Variants in CTNNA3 observed in about 807,000 individuals in gnomAD.
The protein encoded by CTNNA3 is catenin alpha-3.
In CTNNA3, 76 loss-of-function variants were observed where a neutral mutation model predicts 95.7. The observed-to-expected ratio is 0.79, with a 90% CI of 0.66 to 0.96. CTNNA3 has a LOEUF of 0.96. Ranked by LOEUF, CTNNA3 falls within the 40% of genes least tolerant of loss-of-function variation. The probability of loss-of-function intolerance (pLI) is 0.00; values close to 1 mark genes in which losing one functional copy is unlikely to be tolerated. For synonymous variants in CTNNA3, 431 were observed against 374.4 expected (o/e 1.15, Z -1.74); for missense variants, 1,191 against 1,089.8 (o/e 1.09, Z -1.31).
At chr10:66,854,235 A>G (rs1368961585) in intron 7 of CTNNA3, among the ~76,000 whole-genome samples, 2 of 152,096 alleles carry the variant, frequency 1.3e-5, no homozygotes, top group Non-Finnish European at 2.9e-5. Flanking sequence ...TTTGAAGAAT[A>G]TCTCACATTA....
intron 4 of CTNNA3, among the ~76,000 whole-genome samples, chr10:67,535,374 G>T (rs773481593): frequency 6.6e-6 from 1 of 151,934 alleles, no homozygotes; most frequent in South Asian, 2.1e-4. Context: ...AGACAAAATC[G>T]AGAGTCAAAG....
chr10:67,630,902 A>T (rs1328511896), intron 2 of CTNNA3, among the ~76,000 whole-genome samples: 2 of 152,206 alleles, frequency 1.3e-5, no homozygotes, highest in East Asian at 1.9e-4. Flanking sequence ...CTCACATTCA[A>T]CATAAATCTG....
chr10:66,473,098 A>T (rs1839193176), intron 11 of CTNNA3, among the ~76,000 whole-genome samples: 1 of 152,050 alleles, frequency 6.6e-6, no homozygotes, highest in African/African-American at 2.4e-5. Flanking sequence ...ATATAGTGTA[A>T]TAATAAAATG....
At chr10:66,469,920 T>A (rs373383910) in intron 11 of CTNNA3, among the ~76,000 whole-genome samples, 17 of 151,944 alleles carry the variant, frequency 1.1e-4, no homozygotes, top group African/African-American at 4.1e-4. Flanking sequence ...TTTTCTTCTA[T>A]GAAGTTTGAC....
intron 1 of CTNNA3, among the ~76,000 whole-genome samples, chr10:67,664,733 T>G (rs1840287729): frequency 6.6e-6 from 1 of 152,200 alleles, no homozygotes; most frequent in Non-Finnish European, 1.5e-5. Flanking sequence ...AAAGAGTCAT[T>G]CTAGGTATCT....
chr10:66,967,457 T>C (rs1397876669), intron 7 of CTNNA3, among the ~76,000 whole-genome samples: 1 of 151,854 alleles, frequency 6.6e-6, no homozygotes, highest in Non-Finnish European at 1.5e-5. Context: ...TACAATTAAT[T>C]AATCAATAAT....
At chr10:67,165,176 A>C (rs1466810811) in intron 7 of CTNNA3, among the ~76,000 whole-genome samples, 2 of 152,232 alleles carry the variant, frequency 1.3e-5, no homozygotes, top group Non-Finnish European at 2.9e-5. Flanking sequence ...TAGCAATAAA[A>C]AAGAATAAAC....
intron 5 of CTNNA3, among the ~76,000 whole-genome samples, chr10:67,464,879 A>AAAAAG: frequency 6.6e-6 from 1 of 151,380 alleles, no homozygotes; most frequent in East Asian, 2.0e-4. Context: ...AAAAAAAAGA[A>AAAAAG]AAAGAAAGTA....
intron 7 of CTNNA3, among the ~76,000 whole-genome samples, chr10:66,786,160 C>G (rs993643692): frequency 1.3e-5 from 2 of 152,082 alleles, no homozygotes; most frequent in African/African-American, 2.4e-5. Context: ...AGTTGCAGGC[C>G]TAGGGTCTTG....
At chr10:67,397,726 G>A (rs1844761035) in intron 5 of CTNNA3, among the ~76,000 whole-genome samples, 2 of 152,210 alleles carry the variant, frequency 1.3e-5, no homozygotes, top group Admixed American at 1.3e-4. Context: ...AGAAAATAAT[G>A]ATTTCATGGG....
At chr10:67,728,178 G>A (rs1841254832) in intron 1 of CTNNA3, among the ~76,000 whole-genome samples, 3 of 147,396 alleles carry the variant, frequency 2.0e-5, no homozygotes, top group Non-Finnish European at 4.5e-5. Context: ...TATAAGCTGG[G>A]CCCAGTGGCT....
At chr10:67,722,163 T>C (rs1052749315) in intron 1 of CTNNA3, among the ~76,000 whole-genome samples, 5 of 152,204 alleles carry the variant, frequency 3.3e-5, no homozygotes, top group South Asian at 2.1e-4. Flanking sequence ...CAGATACTAG[T>C]GCAAACACTA....
chr10:67,640,877 TG>T (rs1368750626), intron 2 of CTNNA3, among the ~76,000 whole-genome samples: 3 of 152,168 alleles, frequency 2.0e-5, no homozygotes, highest in African/African-American at 7.2e-5. Context: ...AAGACTTAAA[TG>T]TTAGACCCAA....
chr10:67,580,249 G>C (rs950610267), intron 3 of CTNNA3, among the ~76,000 whole-genome samples: 1 of 152,160 alleles, frequency 6.6e-6, no homozygotes, highest in African/African-American at 2.4e-5. Context: ...GTAAGGAAGG[G>C]ATTCAGTTTT....
At chr10:66,233,765 T>G (rs2089713784) in intron 13 of CTNNA3, among the ~76,000 whole-genome samples, 1 of 152,198 alleles carries the variant, frequency 6.6e-6, no homozygotes, top group Non-Finnish European at 1.5e-5. Flanking sequence ...CTTCTAAAGC[T>G]AAATATGTTA....
chr10:67,023,299 A>G (rs1328368405), intron 7 of CTNNA3, among the ~76,000 whole-genome samples: 1 of 152,134 alleles, frequency 6.6e-6, no homozygotes, highest in African/African-American at 2.4e-5. Context: ...AACTGCTGAA[A>G]AGGTTCTATG....
intron 12 of CTNNA3, among the ~76,000 whole-genome samples, chr10:66,341,204 C>T (rs1156751087): frequency 6.6e-6 from 1 of 151,886 alleles, no homozygotes; most frequent in African/African-American, 2.4e-5. Flanking sequence ...AAACCATAAA[C>T]ATGTTAGCAA....
At chr10:66,126,938 G>A (rs563121402) in intron 13 of CTNNA3, among the ~76,000 whole-genome samples, 1 of 152,086 alleles carries the variant, frequency 6.6e-6, no homozygotes, top group African/African-American at 2.4e-5. Flanking sequence ...TTAACTGTGG[G>A]CTACATAGTG....
intron 5 of CTNNA3, among the ~76,000 whole-genome samples, chr10:67,470,317 T>A (rs1847769055): frequency 6.6e-6 from 1 of 152,210 alleles, no homozygotes; most frequent in Admixed American, 6.5e-5. Flanking sequence ...CCATTGTGTA[T>A]AAGTACCACA....
Sources: gnomAD v4.1 joint callset for allele counts (sites outside exome capture counted in the v4.1 genomes callset) on GRCh38, gnomAD v4.1.1 for gene constraint, MANE v1.5 for transcripts, NCBI Gene and HGNC (gene_info 2026-07-23, HGNC 2026-07-21) for gene names.